Variants in CNOT1 observed in about 807,000 individuals in gnomAD.
CNOT1 encodes the protein CCR4-NOT transcription complex subunit 1, also known as CCR4-associated factor 1.
In CNOT1, 15 loss-of-function variants were observed where a neutral mutation model predicts 273.8. The ratio of observed to expected loss-of-function variants is 0.05; its 90% confidence interval spans 0.04 to 0.08. The LOEUF (loss-of-function observed/expected upper bound fraction) is 0.08, where lower values mean the gene tolerates loss of function less well. CNOT1 is among the 10% of genes least tolerant of loss of function. The pLI is 1.00. For synonymous variants in CNOT1, 1,022 were observed against 1,005.5 expected (o/e 1.02, Z -0.31); for missense variants, 1,644 against 2,912.2 (o/e 0.56, Z 10.02).
intron 25 of CNOT1, chr16:58,548,524 A>G (rs747111010): frequency 1.9e-6 from 1 of 519,016 alleles, no homozygotes; most frequent in African/African-American, 1.9e-5. Flanking sequence ...CTATACAGCA[A>G]CAGCAGAATG....
Position 58,547,315 on chromosome 16 carries a change from T to C in CNOT1, c.3640-19A>G, listed in dbSNP as rs2040287584. 3.7e-6 allele frequency: 6 copies of C among 1,611,228 alleles called. No homozygotes were observed. Among genetic ancestry groups the C allele is most frequent in the Non-Finnish European group, 5.1e-6 (6 of 1,179,050 alleles). Reference sequence around the variant, plus strand: ...CCAAGTCCTAGAATAAGAAAAATACTTTCAAAAGCGGGGAATATACCCCCC... The same window carrying C: ...CCAAGTCCTAGAATAAGAAAAATACCTTCAAAAGCGGGGAATATACCCCCC... On this transcript the variant is annotated intron_variant, in intron 26 of 48. Transcript: ENST00000317147. This position sits in a 1 kb window ranked among gnomAD's most constrained non-coding sequence, Gnocchi z 4.0.
chr16:58,567,405 C>A (rs2041086219), intron 16 of CNOT1, among the ~76,000 whole-genome samples: 1 of 151,822 alleles, frequency 6.6e-6, no homozygotes, highest in Non-Finnish European at 1.5e-5. Flanking sequence ...GGAGGAGTGC[C>A]TCAGCTCAGG....
At chr16:58,521,645 G>A (rs992329584) in intron 47 of CNOT1, among the ~76,000 whole-genome samples, 3 of 152,176 alleles carry the variant, frequency 2.0e-5, no homozygotes, top group Non-Finnish European at 4.4e-5. Flanking sequence ...AGTACAAAAA[G>A]TAGTAATTTC....
Position 58,555,927 on chromosome 16 carries a change from G to GA in CNOT1, c.2480-20dup. The GA allele has an allele frequency of 6.2e-7, 1 of 1,608,672 alleles. No individual in the cohort carries two copies. Among genetic ancestry groups the GA allele is most frequent in the Non-Finnish European group, 8.5e-7 (1 of 1,179,784 alleles). The stretch of plus-strand genomic sequence containing the variant: ...AAGTCCGCTGTTGGAAACAAAAAAG[G>GA]AATCAGTGGGCATTTAAGCCCTTCC... On this transcript the variant is annotated intron_variant, in intron 19 of 48. Transcript: ENST00000317147.
intron 16 of CNOT1, 37 bp downstream of exon 16, chr16:58,574,572 A>T: frequency 1.3e-6 from 2 of 1,533,578 alleles, no homozygotes; most frequent in Non-Finnish European, 1.7e-6. Flanking sequence ...ATATAATCCA[A>T]TTCAAAAAAA....
chr16:58,568,417 G>C (rs967608486), intron 16 of CNOT1, among the ~76,000 whole-genome samples: 4 of 151,396 alleles, frequency 2.6e-5, no homozygotes, highest in African/African-American at 9.7e-5. Flanking sequence ...CGGGTGCAGT[G>C]GCTCAAGCCT....
At position 58,531,912 on chromosome 16, in the gene CNOT1, C is replaced by T. The variant is rs761242702; in HGVS notation, c.6177+46G>A. The T allele has an allele frequency of 1.9e-6, 3 of 1,603,232 alleles. No individual in the cohort carries two copies. The African/African-American group carries it at 4.0e-5, about 22-fold the overall frequency. ...TATAGGCAATGCTAATAAATAAGCC[C>T]AGGTAGTTATAGTCTTCATCTACAG... is the stretch of plus-strand genomic sequence containing the variant. On this transcript the variant is annotated intron_variant, in intron 42 of 48. Transcript: ENST00000317147.
chr16:58,580,769 A>G lies in CNOT1; in HGVS notation c.1216-9T>C. ...TGTTGAATGAAGGAGAGCTGCAATG[A>G]AAGAAAATGCTTACCACCATAAATG... On this transcript the variant is annotated splice_polypyrimidine_tract_variant and intron_variant, in intron 11 of 48. Transcript: ENST00000317147. 6.2e-7 allele frequency: 1 copy of G among 1,604,284 alleles called. No individual in the cohort carries two copies. Among genetic ancestry groups the G allele is most frequent in the Non-Finnish European group, 8.5e-7 (1 of 1,175,794 alleles).
intron 1 of CNOT1, among the ~76,000 whole-genome samples, chr16:58,604,636 A>T (rs974498039): frequency 6.7e-6 from 1 of 150,372 alleles, no homozygotes; most frequent in Non-Finnish European, 1.5e-5. Context: ...AAAAAAAAAA[A>T]AAAATACAAA....
Position 58,581,340 on chromosome 16 carries a change from C to T in CNOT1, c.1215+5G>A, listed in dbSNP as rs1279417136. ...CCCATCTATAGCTAAATACCACTTA[C>T]TCACCTGGCCTTCAGCATGTTTCCA... On this transcript the variant is annotated splice_donor_5th_base_variant and intron_variant, in intron 11 of 48. Coordinates refer to ENST00000317147, the MANE Select transcript of CNOT1 (RefSeq NM_016284.5). The T allele has an allele frequency of 3.7e-6, 6 of 1,603,344 alleles. No homozygotes were observed. Among genetic ancestry groups the T allele is most frequent in the African/African-American group, 2.7e-5 (2 of 74,634 alleles).
intron 30 of CNOT1, 151 bp from the exon 31 acceptor site, chr16:58,544,054 G>C (rs1278363218): frequency 3.1e-6 from 4 of 1,290,394 alleles, no homozygotes; most frequent in Non-Finnish European, 4.1e-6. Context: ...TCGGGTAACA[G>C]AAACTGAGCT....
chr16:58,541,889 T>C (rs2040106749), intron 33 of CNOT1, among the ~76,000 whole-genome samples: 1 of 152,214 alleles, frequency 6.6e-6, no homozygotes, highest in Non-Finnish European at 1.5e-5. Context: ...AGTGCAATTC[T>C]CCCTTGAAGC....
chr16:58,578,719 G>T lies in CNOT1; in HGVS notation c.1564C>A (p.His522Asn), dbSNP rs1414585856. 6.2e-7 allele frequency: 1 copy of T among 1,614,030 alleles called. No homozygotes were observed. Among genetic ancestry groups the T allele is most frequent in the East Asian group, 2.2e-5 (1 of 44,888 alleles). ...CTTACCTGCCCATGCCATGCATAGT[G>T]CAAAATAATAGCTGAGTTAGGATGG... ...GNHPNSAIILHYAWHGQGQSP... is the reference protein window; with the variant it reads ...GNHPNSAIILNYAWHGQGQSP... The change falls in exon 13 of 49, where the codon CAC becomes AAC. Residue 522 changes from histidine to asparagine, a missense_variant. Coordinates refer to ENST00000317147, the MANE Select transcript of CNOT1 (RefSeq NM_016284.5).
At position 58,520,635 on chromosome 16, in the gene CNOT1, C is replaced by T. The variant is rs554882477; in HGVS notation, c.*323G>A. 3.7e-5 allele frequency: 12 copies of T among 323,186 alleles called. No homozygotes were observed. In the East Asian group the frequency reaches 5.9e-4, roughly 16 times the overall value. 20.0% of individuals were successfully genotyped at this position (323,186 alleles called of 1,614,324 possible). A position where few individuals can be genotyped will look rare whatever the true frequency, so the allele number is the denominator to read the frequency against. On this transcript the variant is annotated 3_prime_UTR_variant, in exon 49 of 49. Coordinates refer to ENST00000317147, the MANE Select transcript of CNOT1 (RefSeq NM_016284.5). The stretch of plus-strand genomic sequence containing the variant: ...TCAGCTGCCTCTTCATTACAAGGTA[C>T]CAGTTTATGTACTTGCCTTGGACAC...
chr16:58,621,525 G>A (rs951856489), intron 1 of CNOT1, among the ~76,000 whole-genome samples: 4 of 150,292 alleles, frequency 2.7e-5, no homozygotes, highest in South Asian at 2.1e-4. Context: ...CGCCCGCCTC[G>A]GCCTCCCAAA....
intron 1 of CNOT1, among the ~76,000 whole-genome samples, chr16:58,616,969 A>G (rs2043110584): frequency 1.3e-5 from 2 of 152,374 alleles, no homozygotes; most frequent in South Asian, 2.1e-4. Context: ...TCTATGGAAA[A>G]AAAACACTGA....
At chr16:58,580,536 T>C (rs2041621872) in intron 12 of CNOT1, 97 bp downstream of exon 12, 1 of 1,469,560 alleles carries the variant, frequency 6.8e-7, no homozygotes, top group South Asian at 1.5e-5. Context: ...TACTGCTTCA[T>C]TTAAACCTGT....
intron 43 of CNOT1, among the ~76,000 whole-genome samples, chr16:58,529,838 C>A (rs2039716877): frequency 1.8e-5 from 1 of 54,816 alleles, no homozygotes. Context: ...GAGACTCTGT[C>A]TCAAAAAAAA....
intron 12 of CNOT1, 141 bp downstream of exon 12, chr16:58,580,492 T>C: frequency 3.0e-6 from 4 of 1,317,100 alleles, no homozygotes; most frequent in African/African-American, 1.5e-5. Flanking sequence ...CAACCCCCTC[T>C]ATAAATACTT....
Sources: gnomAD v4.1 joint callset for allele counts (sites outside exome capture counted in the v4.1 genomes callset) on GRCh38, gnomAD v4.1.1 for gene constraint, Gnocchi (gnomAD v3.1) non-coding constraint, MANE v1.5 for transcripts, NCBI Gene and HGNC (gene_info 2026-07-23, HGNC 2026-07-21) for gene names.